Variants in NELL1 observed in about 807,000 individuals in gnomAD.
The protein encoded by NELL1 is protein kinase C-binding protein NELL1.
Under a neutral mutation model 107.4 loss-of-function variants are expected in NELL1, and 76 were observed. The observed-to-expected ratio is 0.71, with a 90% CI of 0.59 to 0.86. The LOEUF is 0.86. NELL1 is among the 40% of genes least tolerant of loss of function. NELL1 has a pLI of 0.00. For missense variants in NELL1, 1,024 were observed against 1,005.5 expected, an observed-to-expected ratio of 1.02 and a Z score of -0.25; for synonymous variants, 353 against 341.2, an observed-to-expected ratio of 1.03 and a Z score of -0.38.
chr11:21,538,478 A>C (rs1245281240), intron 16 of NELL1, among the ~76,000 whole-genome samples: 1 of 152,034 alleles, frequency 6.6e-6, no homozygotes, highest in Non-Finnish European at 1.5e-5. Context: ...AGCTTATCAG[A>C]GTTAGTCTCT....
At position 20,753,658 on chromosome 11, in the gene NELL1, A is replaced by C. The variant is rs532229605; in HGVS notation, c.185-30022A>C. On this transcript the variant is annotated intron_variant, in intron 2 of 19. Coordinates refer to ENST00000357134, the MANE Select transcript of NELL1 (RefSeq NM_006157.5). ...TGGCTTAAGTAAAAGGGAGAAATTA[A>C]TTAGCTCTTGTTATTAAAGTTAGTG... Among the ~76,000 whole-genome samples the C allele has an allele frequency of 2.0e-5, 3 of 152,342 alleles. No homozygotes were observed. The South Asian group carries it at 6.2e-4, about 32-fold the overall frequency.
intron 13 of NELL1, among the ~76,000 whole-genome samples, chr11:21,200,747 TA>T (rs1857251505): frequency 6.6e-6 from 1 of 152,218 alleles, no homozygotes; most frequent in South Asian, 2.1e-4. Context: ...GGTTTTCTTC[TA>T]GGGTTTTTAT....
chr11:21,440,173 A>G (rs146262258), intron 15 of NELL1, among the ~76,000 whole-genome samples: 1 of 152,270 alleles, frequency 6.6e-6, no homozygotes, highest in East Asian at 1.9e-4. Flanking sequence ...CTTATAGTAG[A>G]TTTACCTAAA....
chr11:20,686,620 G>A (rs1854311220), intron 2 of NELL1, among the ~76,000 whole-genome samples: 1 of 152,146 alleles, frequency 6.6e-6, no homozygotes, highest in Non-Finnish European at 1.5e-5. Context: ...TTGTAGCTTG[G>A]CATTTGCCTT....
At chr11:21,271,465 A>G (rs557460332) in intron 14 of NELL1, among the ~76,000 whole-genome samples, 5 of 152,238 alleles carry the variant, frequency 3.3e-5, no homozygotes, top group Non-Finnish European at 5.9e-5. Context: ...TATCTATTAC[A>G]GAAATTGAAC....
chr11:21,272,927 G>C (rs1038058778), intron 14 of NELL1, among the ~76,000 whole-genome samples: 1 of 151,984 alleles, frequency 6.6e-6, no homozygotes, highest in African/African-American at 2.4e-5. Flanking sequence ...AAAGACCAAA[G>C]GTAGATAAAA....
chr11:21,213,261 T>C (rs1036469189), intron 13 of NELL1, among the ~76,000 whole-genome samples: 1 of 152,164 alleles, frequency 6.6e-6, no homozygotes, highest in African/African-American at 2.4e-5. Context: ...ACTGTATCCA[T>C]GGATTAGATG....
At chr11:21,412,806 A>G (rs1423704635) in intron 15 of NELL1, among the ~76,000 whole-genome samples, 1 of 152,108 alleles carries the variant, frequency 6.6e-6, no homozygotes, top group Non-Finnish European at 1.5e-5. Flanking sequence ...GGAGGGTGAC[A>G]TGGTGGCATT....
chr11:20,734,107 C>A (rs1343557089), intron 2 of NELL1, among the ~76,000 whole-genome samples: 6 of 152,050 alleles, frequency 3.9e-5, no homozygotes, highest in Admixed American at 3.9e-4. Flanking sequence ...AGAAGGACAT[C>A]CTGGGTAGAT....
chr11:21,258,406 G>A (rs1590780113), intron 14 of NELL1, among the ~76,000 whole-genome samples: 1 of 151,916 alleles, frequency 6.6e-6, no homozygotes, highest in South Asian at 2.1e-4. Context: ...GTAATAGAAT[G>A]TATATAAAAT....
intron 2 of NELL1, among the ~76,000 whole-genome samples, chr11:20,759,743 C>T (rs1856377862): frequency 6.6e-6 from 1 of 152,178 alleles, no homozygotes; most frequent in Non-Finnish European, 1.5e-5. Flanking sequence ...GCCTGATTGG[C>T]CTCCAGAGAT....
intron 12 of NELL1, among the ~76,000 whole-genome samples, chr11:21,002,832 T>C (rs1184959269): frequency 6.6e-6 from 1 of 152,172 alleles, no homozygotes; most frequent in Non-Finnish European, 1.5e-5. Context: ...CTCCTGACAA[T>C]TTCACTTGCA....
At chr11:20,848,767 C>G (rs567757033) in intron 4 of NELL1, among the ~76,000 whole-genome samples, 15 of 152,264 alleles carry the variant, frequency 9.9e-5, no homozygotes, top group Non-Finnish European at 1.6e-4. Flanking sequence ...TGAGGAGATG[C>G]TTGAATATGC....
intron 14 of NELL1, among the ~76,000 whole-genome samples, chr11:21,286,989 C>T (rs187053138): frequency 9.8e-5 from 15 of 152,300 alleles, no homozygotes; most frequent in East Asian, 3.9e-4. Flanking sequence ...AGAAAATTCA[C>T]GTAAAACCTG....
chr11:20,700,873 G>A (rs1477766853), intron 2 of NELL1, among the ~76,000 whole-genome samples: 2 of 152,178 alleles, frequency 1.3e-5, no homozygotes, highest in African/African-American at 2.4e-5. Flanking sequence ...ATTCCATGGT[G>A]TATATGTGCC....
chr11:21,463,702 A>G (rs1853955319), intron 15 of NELL1, among the ~76,000 whole-genome samples: 1 of 152,100 alleles, frequency 6.6e-6, no homozygotes, highest in South Asian at 2.1e-4. Context: ...TTGCTGTATA[A>G]CAAACCACTC....
chr11:20,971,044 C>G (rs1373160893), intron 12 of NELL1, among the ~76,000 whole-genome samples: 1 of 152,138 alleles, frequency 6.6e-6, no homozygotes, highest in Non-Finnish European at 1.5e-5. Flanking sequence ...TCCCCAAACT[C>G]TCGCAGTCAG....
intron 15 of NELL1, among the ~76,000 whole-genome samples, chr11:21,405,395 A>C (rs1409113399): frequency 1.2e-5 from 1 of 83,720 alleles, no homozygotes; most frequent in Non-Finnish European, 2.6e-5. Flanking sequence ...ACAGGATTCC[A>C]ATTTTTTCTG....
intron 13 of NELL1, among the ~76,000 whole-genome samples, chr11:21,171,916 T>C (rs1202561820): frequency 6.6e-6 from 1 of 151,930 alleles, no homozygotes; most frequent in Non-Finnish European, 1.5e-5. Flanking sequence ...AAGATGTTTT[T>C]ATTGTAATGA....
Sources: gnomAD v4.1 joint callset for allele counts (sites outside exome capture counted in the v4.1 genomes callset) on GRCh38, gnomAD v4.1.1 for gene constraint, MANE v1.5 for transcripts, NCBI Gene and HGNC (gene_info 2026-07-23, HGNC 2026-07-21) for gene names.